Variants in BTBD8 observed in about 807,000 individuals in gnomAD.
BTBD8 encodes BTB/POZ domain-containing protein 8.
A neutral mutation model predicts 162.9 loss-of-function variants in BTBD8; 110 were observed. The ratio of observed to expected loss-of-function variants is 0.68; its 90% CI spans 0.58 to 0.79. The LOEUF (loss-of-function observed/expected upper bound fraction) is 0.79. BTBD8 is among the 30% of genes least tolerant of loss of function. The pLI is 0.00. For synonymous variants in BTBD8, 667 were observed against 716.1 expected (o/e 0.93, Z 1.10); for missense variants, 1,905 against 2,085.4 (o/e 0.91, Z 1.68).
At chr1:92,126,424 A>T in intron 4 of BTBD8, 1 of 915,942 alleles carries the variant, frequency 1.1e-6, no homozygotes, top group South Asian at 1.3e-5. Flanking sequence ...ACCTCCTCAA[A>T]CGAAACATCC....
chr1:92,132,448 A>G (rs1363763447), intron 5 of BTBD8, among the ~76,000 whole-genome samples: 3 of 152,148 alleles, frequency 2.0e-5, no homozygotes, highest in African/African-American at 7.2e-5. Context: ...CAAGAAAGAA[A>G]TAGTGACATC....
intron 4 of BTBD8, among the ~76,000 whole-genome samples, chr1:92,112,846 T>G (rs1190343481): frequency 2.0e-5 from 3 of 152,222 alleles, no homozygotes; most frequent in Non-Finnish European, 4.4e-5. Flanking sequence ...TACTCAGTTA[T>G]GTGGAATTAA....
intron 9 of BTBD8, among the ~76,000 whole-genome samples, chr1:92,149,977 C>T (rs905736307): frequency 1.3e-5 from 2 of 152,136 alleles, no homozygotes; most frequent in East Asian, 1.9e-4. Flanking sequence ...ATCTGCCTGC[C>T]CTGTGGAATT....
chr1:92,096,453 T>G (rs1222737792), intron 2 of BTBD8, among the ~76,000 whole-genome samples: 1 of 152,176 alleles, frequency 6.6e-6, no homozygotes, highest in Non-Finnish European at 1.5e-5. Flanking sequence ...ACTTCTGCAT[T>G]CACACAGCTG....
chr1:92,178,522 T>C, intron 16 of BTBD8, 71 bp downstream of exon 16: 2 of 1,289,108 alleles, frequency 1.6e-6, no homozygotes, highest in Non-Finnish European at 2.1e-6. Context: ...AAACTCTGAT[T>C]TGCAACTTCA....
chr1:92,103,848 T>C (rs1020802109), intron 3 of BTBD8, among the ~76,000 whole-genome samples: 2 of 152,240 alleles, frequency 1.3e-5, no homozygotes, highest in Non-Finnish European at 2.9e-5. Context: ...CCAAGTTTAC[T>C]GGTGCTCTGC....
rs534826185 is a variant in BTBD8, at chr1:92,183,899, C to T, written c.4948C>T (p.Arg1650Cys). 1.5e-5 allele frequency: 24 copies of T among 1,550,470 alleles called. No individual in the cohort carries two copies. The highest frequency in any genetic ancestry group is 1.9e-4 in the Middle Eastern group (1 of 5,352). Reference protein sequence around the residue: ...IDDCDTLAQTRMYDHRPSKTL... With the variant: ...IDDCDTLAQTCMYDHRPSKTL... Reference sequence around the variant, plus strand: ...TGATTGTGACACACTGGCACAAACCCGCATGTATGACCATCGGCCTTCAAA... The same window carrying T: ...TGATTGTGACACACTGGCACAAACCTGCATGTATGACCATCGGCCTTCAAA... The change falls in exon 18 of 18, where the codon CGC becomes TGC. Residue 1650 changes from arginine (R) to cysteine (C), a missense_variant. By Grantham distance (180) the Arg-to-Cys change is radical (BLOSUM62 -3). Around this residue, in one of 3 missense-constraint regions of BTBD8, gnomAD observed 517 missense variants for 606.6 expected, o/e 0.85. Transcript: ENST00000636805.
rs947115269 is a variant in BTBD8, at chr1:92,168,914, C to G, written c.1492C>G (p.Leu498Val). Residue 498 changes from leucine (L) to valine (V), a missense_variant, in exon 12 of 18, where the codon CTG (leucine) becomes GTG (valine). By Grantham distance (32) the Leu-to-Val change is conservative. Coordinates refer to ENST00000636805, the MANE Select transcript of BTBD8 (RefSeq NM_001376131.1). ...QALRDKLWIF[L>V]VQSFYAVRHT... ...TCTGCGTGATAAGCTGTGGATCTTC[C>G]TGGTTCAGTCTTTCTATGCTGTTCG... 24 of 1,544,444 alleles carry G rather than the reference C, an allele frequency of 1.6e-5. No individual in the cohort carries two copies. Among genetic ancestry groups the G allele is most frequent in the Non-Finnish European group, 1.9e-5 (22 of 1,141,632 alleles).
rs1553127263 is a variant in BTBD8 at position 92,183,770 on chromosome 1, T to TTTG, written c.4913-94_4913-93insTTG. 4.7e-4 allele frequency: 267 copies of TTTG among 564,044 alleles called. 3 individuals carry two copies. The highest frequency in any genetic ancestry group is 4.6e-3 in the African/African-American group (238 of 51,256). 34.9% of individuals were successfully genotyped at this position (564,044 alleles called of 1,614,324 possible). Reference sequence around the variant, plus strand: ...CCCATTCTGTGTTTTTTTTTTTTTTTGACTATCACTGTTATATTGTGTTAA... The same window carrying TTTG: ...CCCATTCTGTGTTTTTTTTTTTTTTTTTGGACTATCACTGTTATATTGTGTTAA... On this transcript the variant is annotated intron_variant, in intron 17 of 17. Transcript: ENST00000636805.
chr1:92,154,791 C>T (rs1344717779), intron 9 of BTBD8, among the ~76,000 whole-genome samples: 1 of 152,054 alleles, frequency 6.6e-6, no homozygotes, highest in East Asian at 1.9e-4. Context: ...TAGTTTCACT[C>T]GTTTATGTTT....
rs186604384 is a variant in BTBD8 at position 92,166,472 on chromosome 1, C to T, written c.1123-486C>T. Among the ~76,000 whole-genome samples the T allele has an allele frequency of 2.6e-3, 389 of 147,396 alleles. 2 individuals carry two copies. Among genetic ancestry groups the T allele is most frequent in the African/African-American group, 8.9e-3 (356 of 39,910 alleles). On this transcript the variant is annotated intron_variant, in intron 9 of 17. Transcript: ENST00000636805. ...TGGAGTCTTGCTCTGTCACCCAGGC[C>T]GGAGTGCAGTGGTGCGATCTCAGCT...
chr1:92,108,989 G>A (rs1000185502), intron 4 of BTBD8, among the ~76,000 whole-genome samples: 1 of 152,116 alleles, frequency 6.6e-6, no homozygotes, highest in Non-Finnish European at 1.5e-5. Context: ...TAGAAATCAC[G>A]CTGGTTTTGC....
chr1:92,161,488 T>C (rs1650272201), intron 9 of BTBD8, among the ~76,000 whole-genome samples: 1 of 152,258 alleles, frequency 6.6e-6, no homozygotes, highest in East Asian at 1.9e-4. Flanking sequence ...TCATATGATA[T>C]TTATAACACT....
At chr1:92,176,715 C>T (rs1308071021) in intron 13 of BTBD8, 114 bp from the exon 14 acceptor site, 2 of 541,202 alleles carry the variant, frequency 3.7e-6, no homozygotes, top group Non-Finnish European at 6.1e-6. Context: ...GACCTTAAAT[C>T]ATAATATGAA....
At position 92,080,373 on chromosome 1, in the gene BTBD8, T is replaced by G. The variant is rs914800611; in HGVS notation, c.-199T>G. On this transcript the variant is annotated 5_prime_UTR_variant, in exon 1 of 18. Coordinates refer to ENST00000636805, the MANE Select transcript of BTBD8 (RefSeq NM_001376131.1). The stretch of plus-strand genomic sequence containing the variant: ...CCTGGGTCAAGAGCCGGCTCGGTTC[T>G]GGGATTCTGAGGCTCCCCACCGCGG... 4.2e-6 allele frequency: 3 copies of G among 706,482 alleles called. No homozygotes were observed. In the Admixed American group the frequency reaches 1.0e-4, roughly 24 times the overall value. The allele number at this position is 706,482 out of a possible 1,614,324, so 43.8% of individuals were successfully genotyped here.
chr1:92,130,323 A>G (rs1166046495), intron 5 of BTBD8, among the ~76,000 whole-genome samples: 3 of 152,126 alleles, frequency 2.0e-5, no homozygotes, highest in Admixed American at 1.3e-4. Context: ...TGGAGGGAAC[A>G]CAGACATTTC....
At chr1:92,147,393 T>A in intron 8 of BTBD8, 125 bp downstream of exon 8, 1 of 737,712 alleles carries the variant, frequency 1.4e-6, no homozygotes, top group Non-Finnish European at 2.2e-6. Context: ...AGTAGCTTAG[T>A]GCTAAACTAG....
chr1:92,107,999 C>T lies in BTBD8; in HGVS notation c.660C>T (p.His220=), dbSNP rs1412698155. The T allele has an allele frequency of 6.2e-7, 1 of 1,609,280 alleles. No individual in the cohort carries two copies. Among genetic ancestry groups the T allele is most frequent in the Non-Finnish European group, 8.5e-7 (1 of 1,175,780 alleles). Residue 220 remains histidine, a splice_region_variant and synonymous_variant, in exon 4 of 18, where the codon CAC becomes CAT. Transcript: ENST00000636805. ...TTGATGGAAAACGTTTTAAAGCTCA[C>T]AGGTAAATAGACACGACTGATTTGC... ...IFVDGKRFKA[H]RAILSARSSY...
At chr1:92,080,763 G>T in intron 1 of BTBD8, 43 bp downstream of exon 1, 8 of 1,568,688 alleles carry the variant, frequency 5.1e-6, no homozygotes, top group Non-Finnish European at 6.9e-6. Context: ...TTCCTAAATC[G>T]CCCACCTCCG....
Sources: allele counts gnomAD v4.1 joint callset (sites outside exome capture counted in the v4.1 genomes callset), GRCh38; gene constraint gnomAD v4.1.1; regional missense constraint gnomAD v4.1.1; transcripts MANE v1.5; gene names NCBI Gene and HGNC (gene_info 2026-07-23, HGNC 2026-07-21).